Variants in MYH16 observed in about 807,000 individuals in gnomAD.
MYH16 encodes the protein myosin heavy chain 16, also known as putative uncharacterized protein MYH16.
intron 31 of MYH16, 83 bp from the exon 13 acceptor site, chr7:99,292,229 G>A (rs910105569): frequency 2.5e-6 from 1 of 392,996 alleles, no homozygotes; most frequent in Non-Finnish European, 5.2e-6. Flanking sequence ...CATCACTGCT[G>A]CTCCAGTGTT....
At chr7:99,306,741 G>A (rs370337416) in exon 42 of MYH16, 1 of 152,718 alleles carries the variant, frequency 6.5e-6, no homozygotes, top group East Asian at 1.9e-4. Flanking sequence ...GGCCGGCAAG[G>A]GCATCACCTC....
At chr7:99,306,677 C>G (rs11771702) in exon 42 of MYH16, 43,249 of 152,778 alleles carry the variant, frequency 0.28, 11,403 homozygotes, top group African/African-American at 0.71. Context: ...ACGCTGAGGA[C>G]CGGGCTGGCA....
At chr7:99,278,742 C>T (rs767463779) in intron 21 of MYH16, among the ~76,000 whole-genome samples, 10 of 152,200 alleles carry the variant, frequency 6.6e-5, no homozygotes, top group Non-Finnish European at 1.3e-4. Flanking sequence ...TCTCTGTAGC[C>T]GTGAGCATGT....
chr7:99,277,456 T>C (rs1351891868), intron 20 of MYH16, 83 bp from the exon 3 acceptor site: 1 of 390,108 alleles, frequency 2.6e-6, no homozygotes, highest in Non-Finnish European at 5.2e-6. Flanking sequence ...AGGTCACGCC[T>C]GAGGCAGAGA....
chr7:99,275,046 G>A (rs1403057654), intron 20 of MYH16, among the ~76,000 whole-genome samples: 8 of 152,066 alleles, frequency 5.3e-5, no homozygotes. Flanking sequence ...CCAGGCTAGA[G>A]TGCAGTGATG....
At chr7:99,304,420 A>G (rs1792651275) in intron 39 of MYH16, among the ~76,000 whole-genome samples, 166 bp from the exon 21 acceptor site, 1 of 152,110 alleles carries the variant, frequency 6.6e-6, no homozygotes, top group African/African-American at 2.4e-5. Context: ...AAAGGGGAGC[A>G]TAGAGCACCC....
intron 34 of MYH16, 57 bp downstream of exon 15, chr7:99,296,974 T>G (rs998319913): frequency 5.9e-5 from 26 of 443,412 alleles, no homozygotes; most frequent in African/African-American, 3.8e-4. Context: ...ACAGCCAGAG[T>G]CCCCTTCATC....
chr7:99,242,390 C>T (rs115785842), intron 1 of MYH16, among the ~76,000 whole-genome samples: 2,121 of 152,060 alleles, frequency 0.014, 51 homozygotes, highest in African/African-American at 0.049. Flanking sequence ...ACCTGTAACA[C>T]TTTTGGGGGC....
At chr7:99,288,014 C>T (rs1049062560) in exon 29 of MYH16, 22 of 456,724 alleles carry the variant, frequency 4.8e-5, no homozygotes, top group Non-Finnish European at 8.4e-5. Flanking sequence ...ACTCCATGGC[C>T]GAGCTGACGG....
intron 33 of MYH16, among the ~76,000 whole-genome samples, chr7:99,296,252 A>G (rs967048690): frequency 3.3e-5 from 5 of 152,166 alleles, no homozygotes; most frequent in African/African-American, 1.2e-4. Context: ...CACAACAGCA[A>G]ATAGTTGCCA....
At chr7:99,252,140 G>T (rs1791815855) in intron 6 of MYH16, among the ~76,000 whole-genome samples, 1 of 152,178 alleles carries the variant, frequency 6.6e-6, no homozygotes, top group African/African-American at 2.4e-5. Context: ...CTCCTTCCAG[G>T]CTGGAGGGAC....
exon 13 of MYH16, chr7:99,261,486 G>C (rs150520143): frequency 3.2e-5 from 5 of 154,344 alleles, no homozygotes; most frequent in Admixed American, 6.5e-5. Context: ...TGGAGGAACA[G>C]TGCGTCTTCC....
At chr7:99,273,394 T>C in exon 20 of MYH16, 1 of 456,732 alleles carries the variant, frequency 2.2e-6, no homozygotes, top group Non-Finnish European at 4.4e-6. Context: ...GCAGCTCCGT[T>C]TCTGGGGCTG....
chr7:99,297,149 T>C (rs1792511736), intron 34 of MYH16, among the ~76,000 whole-genome samples: 1 of 152,038 alleles, frequency 6.6e-6, no homozygotes, highest in Non-Finnish European at 1.5e-5. Flanking sequence ...AATGAGGAAA[T>C]AGCCGGGTGT....
downstream of MYH16, among the ~76,000 whole-genome samples, chr7:99,309,909 C>T (rs929700969): frequency 6.6e-6 from 1 of 152,112 alleles, no homozygotes; most frequent in Admixed American, 6.5e-5. Context: ...GTAATCCCAG[C>T]TACTCAGGAG....
intron 39 of MYH16, among the ~76,000 whole-genome samples, chr7:99,303,886 C>T (rs907153034): frequency 2.0e-5 from 3 of 152,060 alleles, no homozygotes; most frequent in South Asian, 2.1e-4. Context: ...AGCCCAGGGA[C>T]GCAGAGGAGG....
exon 1 of MYH16, chr7:99,238,890 C>T (rs556464424): frequency 6.5e-6 from 1 of 152,872 alleles, no homozygotes; most frequent in East Asian, 1.9e-4. Flanking sequence ...TTCCTGGCAC[C>T]TCCTGAAAAG....
intron 20 of MYH16, among the ~76,000 whole-genome samples, chr7:99,273,848 A>G (rs574788805): frequency 4.7e-5 from 7 of 149,946 alleles, no homozygotes; most frequent in South Asian, 4.3e-4. Flanking sequence ...GGAAAGGAAG[A>G]CAGAGAGGAA....
intron 23 of MYH16, among the ~76,000 whole-genome samples, chr7:99,282,937 A>G (rs1158224045): frequency 6.6e-6 from 1 of 152,206 alleles, no homozygotes; most frequent in Non-Finnish European, 1.5e-5. Flanking sequence ...TTTTACTCAC[A>G]TAAGTGCCCG....
Sources: gnomAD v4.1 joint callset for allele counts (sites outside exome capture counted in the v4.1 genomes callset) on GRCh38, gnomAD v4.1.1 for gene constraint, MANE v1.5 for transcripts, NCBI Gene and HGNC (gene_info 2026-07-23, HGNC 2026-07-21) for gene names.